The following SEC22A variants were observed in gnomAD, a reference collection of about 807,000 sequenced individuals.
SEC22A encodes the protein SEC22 homolog A, vesicle trafficking protein.
In SEC22A, 22 loss-of-function variants were observed where a neutral mutation model predicts 35.3. That is an observed-to-expected ratio of 0.62 (90% CI 0.45 to 0.89). SEC22A has a LOEUF of 0.89. Ranked by LOEUF, SEC22A falls within the 40% of genes least tolerant of loss-of-function variation. The probability of loss-of-function intolerance (pLI) is 0.00; values close to 1 mark genes in which losing one functional copy is unlikely to be tolerated. For missense variants in SEC22A, 354 were observed against 362.5 expected, an observed-to-expected ratio of 0.98 and a Z score of 0.19; for synonymous variants, 119 against 129.5, an observed-to-expected ratio of 0.92 and a Z score of 0.55.
At chr3:123,208,626 T>A (rs534663128) in intron 1 of SEC22A, 1 of 152,172 alleles carries the variant, frequency 6.6e-6, no homozygotes, top group East Asian at 2.0e-4. Flanking sequence ...GGCTGAGGCA[T>A]GAGAATTGCT....
intron 5 of SEC22A, among the ~76,000 whole-genome samples, chr3:123,248,524 A>G (rs1199479729): frequency 6.6e-6 from 1 of 152,210 alleles, no homozygotes; most frequent in East Asian, 1.9e-4. Flanking sequence ...TAAATCTAAA[A>G]TGTATATACA....
chr3:123,248,562 T>C (rs577248726), intron 5 of SEC22A, among the ~76,000 whole-genome samples: 1 of 151,918 alleles, frequency 6.6e-6, no homozygotes, highest in South Asian at 2.1e-4. Context: ...ATGATAAAAC[T>C]CTGATCAAAT....
intron 4 of SEC22A, among the ~76,000 whole-genome samples, chr3:123,238,762 A>C (rs749055683): frequency 4.1e-4 from 62 of 151,934 alleles, no homozygotes; most frequent in Non-Finnish European, 4.0e-4. Context: ...TCCTCTCCCC[A>C]CAGTCTGGCA....
At chr3:123,203,053 CTTTTTTTTTTTTTTTTTTT>C (rs779433710) in intron 1 of SEC22A, among the ~76,000 whole-genome samples, 6 of 43,822 alleles carry the variant, frequency 1.4e-4, no homozygotes, top group African/African-American at 3.2e-4. Context: ...TGTTTAGTGC[CTTTTTTTTTTTTTTTTTTT>C]TTTTTTTTTT....
At chr3:123,222,338 A>G (rs1937139669) in intron 2 of SEC22A, among the ~76,000 whole-genome samples, 1 of 152,062 alleles carries the variant, frequency 6.6e-6, no homozygotes, top group Non-Finnish European at 1.5e-5. Context: ...AGCTGGGATT[A>G]CAGGCATGCA....
At chr3:123,249,673 C>T (rs750090485) in intron 5 of SEC22A, among the ~76,000 whole-genome samples, 15 of 152,088 alleles carry the variant, frequency 9.9e-5, no homozygotes, top group Admixed American at 9.8e-4. Context: ...TACAGATGTG[C>T]ATCACCATGC....
chr3:123,223,801 G>C (rs538660411), intron 3 of SEC22A, 79 bp downstream of exon 3: 1 of 1,004,836 alleles, frequency 1.0e-6, no homozygotes, highest in African/African-American at 1.6e-5. Context: ...ATTGGGTGGA[G>C]GGGGGACTTC....
intron 2 of SEC22A, among the ~76,000 whole-genome samples, chr3:123,212,753 G>A (rs1190924170): frequency 6.6e-6 from 1 of 152,012 alleles, no homozygotes; most frequent in African/African-American, 2.4e-5. Flanking sequence ...AAGTAAGGGA[G>A]TCAAAAGAAG....
At chr3:123,222,253 C>T (rs1937137067) in intron 2 of SEC22A, among the ~76,000 whole-genome samples, 1 of 151,920 alleles carries the variant, frequency 6.6e-6, no homozygotes, top group Non-Finnish European at 1.5e-5. Context: ...GGCTGGAGTG[C>T]AATGGCGCAA....
intron 4 of SEC22A, among the ~76,000 whole-genome samples, chr3:123,239,392 C>T (rs1461423653): frequency 6.6e-6 from 1 of 152,082 alleles, no homozygotes; most frequent in African/African-American, 2.4e-5. Context: ...GTGTGCTGCA[C>T]CCATTAACTC....
chr3:123,214,822 A>T (rs1341264466), intron 2 of SEC22A, among the ~76,000 whole-genome samples: 1 of 152,172 alleles, frequency 6.6e-6, no homozygotes, highest in Non-Finnish European at 1.5e-5. Context: ...TCCTATTGTG[A>T]ATTTTAGTGC....
intron 4 of SEC22A, among the ~76,000 whole-genome samples, chr3:123,226,222 G>C (rs1178555009): frequency 6.6e-6 from 1 of 152,110 alleles, no homozygotes; most frequent in Non-Finnish European, 1.5e-5. Flanking sequence ...CTAGCAGTGG[G>C]GTTGCTGGAT....
chr3:123,249,120 A>C (rs993416997), intron 5 of SEC22A, among the ~76,000 whole-genome samples: 8 of 152,208 alleles, frequency 5.3e-5, no homozygotes, highest in African/African-American at 1.9e-4. Context: ...AATTACAAAG[A>C]ATAAAGGTGA....
At chr3:123,224,951 C>A in intron 3 of SEC22A, 152 bp from the exon 4 acceptor site, 1 of 539,184 alleles carries the variant, frequency 1.9e-6, no homozygotes, top group Non-Finnish European at 3.3e-6. Flanking sequence ...ATACATTAAT[C>A]ATTAAACACA....
In SEC22A at chr3:123,202,006, A is replaced by G. The variant is rs1936749022; in HGVS notation, c.-20+20A>G. ...CGACAGGTACTCCCCGGCCCCTCCCAGTCCTCTTCTTCCTTTCTTAGGGGT... is the reference window on the plus strand; with the variant it reads ...CGACAGGTACTCCCCGGCCCCTCCCGGTCCTCTTCTTCCTTTCTTAGGGGT... On this transcript the variant is annotated intron_variant, in intron 1 of 6. Coordinates refer to ENST00000492595, the MANE Select transcript of SEC22A (RefSeq NM_012430.5). The G allele has an allele frequency of 6.6e-6, 1 of 152,422 alleles. No individual in the cohort carries two copies. Among genetic ancestry groups the G allele is most frequent in the Non-Finnish European group, 1.5e-5 (1 of 68,170 alleles). The allele number at this position is 152,422 out of a possible 1,614,324, so 9.4% of individuals were successfully genotyped here.
At chr3:123,260,551 A>C (rs559639390) in intron 6 of SEC22A, among the ~76,000 whole-genome samples, 1 of 152,352 alleles carries the variant, frequency 6.6e-6, no homozygotes, top group South Asian at 2.1e-4. Context: ...GAGGAGGCAC[A>C]CATTTGTAGG....
At chr3:123,228,968 AAG>A (rs1395631232) in intron 4 of SEC22A, among the ~76,000 whole-genome samples, 1 of 152,188 alleles carries the variant, frequency 6.6e-6, no homozygotes, top group Non-Finnish European at 1.5e-5. Flanking sequence ...AAACAGAAAA[AAG>A]AATGAAGAAA....
intron 6 of SEC22A, among the ~76,000 whole-genome samples, chr3:123,268,283 T>C (rs186754451): frequency 1.7e-4 from 26 of 152,330 alleles, no homozygotes; most frequent in Admixed American, 1.4e-3. Flanking sequence ...CAAGATGTTA[T>C]TGAGGGTCTT....
At position 123,223,800 on chromosome 3, in the gene SEC22A, AG is replaced by A. The variant is rs980705256; in HGVS notation, c.346+84del. 4.9e-6 allele frequency: 5 copies of A among 1,010,682 alleles called. No homozygotes were observed. In the African/African-American group the frequency reaches 6.5e-5, roughly 13 times the overall value. The allele number at this position is 1,010,682 out of a possible 1,614,324, so 62.6% of individuals were successfully genotyped here. ...CAATTTTAAATCTAATATTGGGTGG[AG>A]GGGGGACTTCTGCTATCTTGCTTTT... On this transcript the variant is annotated intron_variant, in intron 3 of 6. Transcript: ENST00000492595.
Sources: allele counts gnomAD v4.1 joint callset (sites outside exome capture counted in the v4.1 genomes callset), GRCh38; gene constraint gnomAD v4.1.1; transcripts MANE v1.5; gene names NCBI Gene and HGNC (gene_info 2026-07-23, HGNC 2026-07-21).